ECI1: variants seen among roughly 807,000 people sequenced by gnomAD.
ECI1 encodes enoyl-CoA delta isomerase 1, mitochondrial.
A neutral mutation model predicts 34.2 loss-of-function variants in ECI1; 34 were observed. That is an observed-to-expected ratio of 1.00 (90% CI 0.76 to 1.33). The LOEUF (loss-of-function observed/expected upper bound fraction) is 1.33, where lower values mean the gene tolerates loss of function less well. Among genes scored for constraint, ECI1 ranks in the 40% most tolerant of loss-of-function variants. The pLI is 0.00. For synonymous variants in ECI1, 211 were observed against 193.0 expected (o/e 1.09, Z -0.77); for missense variants, 456 against 422.2 (o/e 1.08, Z -0.70).
intron 2 of ECI1, among the ~76,000 whole-genome samples, chr16:2,249,414 C>T (rs371014610): frequency 4.6e-5 from 7 of 151,980 alleles, no homozygotes; most frequent in Non-Finnish European, 5.9e-5. Context: ...AATATACTTA[C>T]GGCCACGGGG....
chr16:2,246,982 G>C lies in ECI1; in HGVS notation c.171C>G (p.Val57=), dbSNP rs746958924. 3 of 1,613,124 alleles carry C rather than the reference G, an allele frequency of 1.9e-6. No homozygotes were observed. The highest frequency in any genetic ancestry group is 3.3e-5 in the Admixed American group (2 of 59,990). Residue 57 remains valine (V), a synonymous_variant, in exon 3 of 7, where the codon GTC becomes GTG. Coordinates refer to ENST00000301729, the MANE Select transcript of ECI1 (RefSeq NM_001919.4). ...GGGGGTTCTTGAATTTCATCACAGC[G>C]ACCCCTAATTTAAAGAATGAGAAGA... ...VLVEPDAGAG[V]AVMKFKNPPV... is the part of the protein sequence containing the mutation.
chr16:2,248,892 G>A (rs1296152022), intron 2 of ECI1, among the ~76,000 whole-genome samples: 1 of 152,108 alleles, frequency 6.6e-6, no homozygotes, highest in Non-Finnish European at 1.5e-5. Context: ...CCGCCAGTCT[G>A]CGTTCTGTGT....
intron 2 of ECI1, among the ~76,000 whole-genome samples, chr16:2,247,428 G>T (rs2093542994): frequency 6.6e-6 from 1 of 151,864 alleles, no homozygotes; most frequent in Admixed American, 6.6e-5. Flanking sequence ...ACGGAGTTTT[G>T]CTCTTGTTGC....
At chr16:2,247,508 C>A (rs1209980593) in intron 2 of ECI1, among the ~76,000 whole-genome samples, 1 of 152,184 alleles carries the variant, frequency 6.6e-6, no homozygotes, top group African/African-American at 2.4e-5. Flanking sequence ...AGCGATTCGA[C>A]TGCCTCAGCC....
intron 2 of ECI1, among the ~76,000 whole-genome samples, chr16:2,251,003 A>G (rs1452297450): frequency 6.6e-6 from 1 of 151,952 alleles, no homozygotes; most frequent in Admixed American, 6.6e-5. Context: ...ATTTTTCAGT[A>G]CAGATAGGGT....
chr16:2,246,481 G>A (rs577302307), intron 3 of ECI1, among the ~76,000 whole-genome samples: 36 of 152,288 alleles, frequency 2.4e-4, no homozygotes, highest in African/African-American at 5.3e-4. Flanking sequence ...CCTGGACGAC[G>A]GCCCGGGCAG....
chr16:2,244,661 C>T (rs571196670), intron 3 of ECI1, 109 bp from the exon 4 acceptor site: 91 of 1,237,526 alleles, frequency 7.4e-5, no homozygotes, highest in South Asian at 4.2e-4. Flanking sequence ...GGCCAGGTCA[C>T]GCTCAGGGTG....
Position 2,240,162 on chromosome 16 carries a change from G to C in ECI1, c.743-17C>G. 2 of 1,612,512 alleles carry C rather than the reference G, an allele frequency of 1.2e-6. No homozygotes were observed. Among genetic ancestry groups the C allele is most frequent in the Non-Finnish European group, 1.7e-6 (2 of 1,179,818 alleles). ...GAGCATGGTCTAAAGAGAATGGGAC[G>C]TGCCACTGAAATCCCACTTTCAGGG... On this transcript the variant is annotated splice_polypyrimidine_tract_variant and intron_variant, in intron 6 of 6. Coordinates refer to ENST00000301729, the MANE Select transcript of ECI1 (RefSeq NM_001919.4).
chr16:2,242,929 A>C (rs1241524059), intron 6 of ECI1, 117 bp downstream of exon 6: 1 of 828,380 alleles, frequency 1.2e-6, no homozygotes, highest in African/African-American at 1.7e-5. Flanking sequence ...CCTGACACCC[A>C]CATGGCTGTG....
chr16:2,244,479 C>A lies in ECI1; in HGVS notation c.368G>T (p.Gly123Val), dbSNP rs372341953. 1 of 1,611,096 alleles carries A rather than the reference C, an allele frequency of 6.2e-7. No homozygotes were observed. ...MCGRSPAHYA[G>V]YWKAVQELWL... is the part of the protein sequence containing the mutation. ...CAGCTCCTGAACGGCCTTCCAGTAC[C>A]CAGCGTAGTGGGCGGGGCTCCTCCC... The change falls in exon 4 of 7, where the codon GGG becomes GTG. Residue 123 changes from glycine (G) to valine (V), a missense_variant. Gly to Val is a moderately radical substitution (Grantham distance 109). Coordinates refer to ENST00000301729, the MANE Select transcript of ECI1 (RefSeq NM_001919.4).
intron 6 of ECI1, among the ~76,000 whole-genome samples, chr16:2,241,251 G>C (rs530058923): frequency 6.6e-6 from 1 of 152,174 alleles, no homozygotes; most frequent in African/African-American, 2.4e-5. Flanking sequence ...TCAGTCATTT[G>C]TATCAGGGTT....
chr16:2,250,478 C>A (rs540261175), intron 2 of ECI1, among the ~76,000 whole-genome samples: 141 of 151,848 alleles, frequency 9.3e-4, no homozygotes, highest in African/African-American at 3.2e-3. Flanking sequence ...GACTTACTTG[C>A]GGAGGGGGAG....
At chr16:2,240,806 C>T (rs1211939971) in intron 6 of ECI1, 1 of 152,368 alleles carries the variant, frequency 6.6e-6, no homozygotes, top group African/African-American at 2.4e-5. Context: ...AAGCACTTCT[C>T]CTGCCTCAGC....
At position 2,251,360 on chromosome 16, in the gene ECI1, C is replaced by T. The variant is rs1207951661; in HGVS notation, c.122G>A (p.Arg41His). Residue 41 changes from arginine (R) to histidine (H), a missense_variant, in exon 2 of 7, where the codon CGC becomes CAC. Physicochemically the swap from Arg to His is conservative, Grantham distance 29. Transcript: ENST00000301729. The stretch of plus-strand genomic sequence containing the variant: ...CACCAGCACCCGCTGGCTCCCGAAG[C>T]GCCGCGCGCCGTCTCCGCCGCCGGC... ...RAAGGGDGAR[R>H]FGSQRVLVEP... 3 of 1,244,786 alleles carry T rather than the reference C, an allele frequency of 2.4e-6. No homozygotes were observed. The highest frequency in any genetic ancestry group is 3.0e-6 in the Non-Finnish European group (3 of 995,326). The allele number at this position is 1,244,786 out of a possible 1,614,324, so 77.1% of individuals were successfully genotyped here.
At chr16:2,246,743 G>A (rs972689132) in intron 3 of ECI1, 116 bp downstream of exon 3, 3 of 1,523,036 alleles carry the variant, frequency 2.0e-6, no homozygotes, top group Admixed American at 3.3e-5. Context: ...GCTGCCGGCT[G>A]GCCTGTGCCA....
chr16:2,251,099 C>A (rs8050222), intron 2 of ECI1, among the ~76,000 whole-genome samples: 1 of 152,228 alleles, frequency 6.6e-6, no homozygotes, highest in Non-Finnish European at 1.5e-5. Context: ...GGATTACAGG[C>A]GTGAGCCACC....
In ECI1 at chr16:2,243,165, A is replaced by G. The variant is rs753395228; in HGVS notation, c.623T>C (p.Leu208Pro). ...CTCCGCCGGCGGGAAGAGCAGCCCC[A>G]GCTGCAGGGCACGCTCCGCCGCCCG... is the stretch of plus-strand genomic sequence containing the variant. ...GHRAAERALQLGLLFPPAEAL... is the reference protein window; with the variant it reads ...GHRAAERALQPGLLFPPAEAL... The change falls in exon 6 of 7, where the codon CTG becomes CCG. Residue 208 changes from leucine to proline, a missense_variant. Physicochemically the swap from Leu to Pro is moderately conservative, Grantham distance 98 (BLOSUM62 -3). Coordinates refer to ENST00000301729, the MANE Select transcript of ECI1 (RefSeq NM_001919.4). 2.2e-5 allele frequency: 35 copies of G among 1,607,888 alleles called. No individual in the cohort carries two copies. The South Asian group carries it at 2.4e-4, about 11-fold the overall frequency.
intron 4 of ECI1, among the ~76,000 whole-genome samples, chr16:2,243,963 C>G (rs1347256877): frequency 6.6e-6 from 1 of 152,222 alleles, no homozygotes; most frequent in African/African-American, 2.4e-5. Flanking sequence ...CAGCCCTCCC[C>G]TCCACCAGGC....
chr16:2,242,480 A>T (rs557495104), intron 6 of ECI1: 1 of 159,462 alleles, frequency 6.3e-6, no homozygotes, highest in South Asian at 1.8e-4. Flanking sequence ...TGAAGTGGAC[A>T]ATTGTCTTTG....
Sources: allele counts gnomAD v4.1 joint callset (sites outside exome capture counted in the v4.1 genomes callset), GRCh38; gene constraint gnomAD v4.1.1; transcripts MANE v1.5; gene names NCBI Gene and HGNC (gene_info 2026-07-23, HGNC 2026-07-21).